RBSN: variants seen among roughly 807,000 people sequenced by gnomAD.
The protein encoded by RBSN is rabenosyn, RAB effector, also known as rabenosyn-5.
In RBSN, 34 loss-of-function variants were observed where a neutral mutation model predicts 60.5. The ratio of observed to expected loss-of-function variants is 0.56; its 90% CI spans 0.43 to 0.75. RBSN has a LOEUF of 0.75. Ranked by LOEUF, RBSN falls within the 30% of genes least tolerant of loss-of-function variation. The pLI is 0.00. For missense variants in RBSN, 845 were observed against 986.8 expected (o/e 0.86, Z 1.92); for synonymous variants, 322 against 366.9 (o/e 0.88, Z 1.40).
intron 12 of RBSN, among the ~76,000 whole-genome samples, chr3:15,076,231 C>T (rs2043050407): frequency 6.6e-6 from 1 of 152,160 alleles, no homozygotes; most frequent in Non-Finnish European, 1.5e-5. Context: ...AATAGAGTCA[C>T]TAATCAAAGT....
At position 15,082,703 on chromosome 3, in the gene RBSN, G is replaced by A. The variant is rs772597801; in HGVS notation, c.599-95C>T. 7 of 1,501,574 alleles carry A rather than the reference G, an allele frequency of 4.7e-6. No homozygotes were observed. Among genetic ancestry groups the A allele is most frequent in the Non-Finnish European group, 5.4e-6 (6 of 1,115,106 alleles). 93.0% of individuals were successfully genotyped at this position (1,501,574 alleles called of 1,614,324 possible). A position where few individuals can be genotyped will look rare whatever the true frequency, so the allele number is the denominator to read the frequency against. ...GTGTCAGTCCACAGGTGTTTGATTT[G>A]GAGAGTAATAAGATCAGGCTCCAGC... On this transcript the variant is annotated intron_variant, in intron 8 of 13. Coordinates refer to ENST00000253699, the MANE Select transcript of RBSN (RefSeq NM_022340.4). This position sits in a 1 kb window ranked among gnomAD's most constrained non-coding sequence, Gnocchi z 4.2.
intron 4 of RBSN, among the ~76,000 whole-genome samples, chr3:15,093,438 A>G (rs1319419042): frequency 6.6e-6 from 1 of 152,178 alleles, no homozygotes; most frequent in African/African-American, 2.4e-5. Flanking sequence ...TTTTTGAGAC[A>G]GTTTCACTCT....
At chr3:15,083,746 T>C (rs915997449) in intron 8 of RBSN, among the ~76,000 whole-genome samples, 2 of 152,070 alleles carry the variant, frequency 1.3e-5, no homozygotes, top group Non-Finnish European at 2.9e-5. Flanking sequence ...CATATTATGA[T>C]ATTAGTCTTT....
At position 15,071,804 on chromosome 3, in the gene RBSN, A is replaced by G. The variant is rs1380511967; in HGVS notation, c.*1978T>C. On this transcript the variant is annotated 3_prime_UTR_variant, in exon 14 of 14. Coordinates refer to ENST00000253699, the MANE Select transcript of RBSN (RefSeq NM_022340.4). Reference sequence around the variant, plus strand: ...TCAGCTTTCACACCAGTAACCAGTGAAAGTATGGCCTAGAGCTAGTTACAC... The same window carrying G: ...TCAGCTTTCACACCAGTAACCAGTGGAAGTATGGCCTAGAGCTAGTTACAC... 1.3e-5 allele frequency: 2 copies of G among 152,694 alleles called. No individual in the cohort carries two copies. The highest frequency in any genetic ancestry group is 2.4e-5 in the African/African-American group (1 of 41,460). The allele number at this position is 152,694 out of a possible 1,614,324, so 9.5% of individuals were successfully genotyped here. A position where few individuals can be genotyped will look rare whatever the true frequency, so the allele number is the denominator to read the frequency against.
chr3:15,075,643 T>C lies in RBSN; in HGVS notation c.1169A>G (p.Lys390Arg), dbSNP rs780066049. ...EQFEELKKKR[K>R]EEMERKRAVE... ...GGCCCTCTTCCTCTCCATTTCCTCC[T>C]TCCTTTTCTTTTTCAGTTCCTCAAA... The change falls in exon 13 of 14, where the codon AAG becomes AGG. Residue 390 changes from lysine to arginine, a missense_variant. Lys to Arg is a conservative substitution (Grantham distance 26, BLOSUM62 2). Coordinates refer to ENST00000253699, the MANE Select transcript of RBSN (RefSeq NM_022340.4). 4 of 1,614,178 alleles carry C rather than the reference T, an allele frequency of 2.5e-6. No homozygotes were observed. The highest frequency in any genetic ancestry group is 3.4e-6 in the Non-Finnish European group (4 of 1,180,030).
chr3:15,089,478 C>CAAAAAAAAAAAAAAAAAAAAAAAAAAAA (rs796324060), intron 5 of RBSN, among the ~76,000 whole-genome samples: 1 of 79,264 alleles, frequency 1.3e-5, no homozygotes. Context: ...AAAAAAAAAA[C>CAAAAAAAAAAAAAAAAAAAAAAAAAAAA]AAAAAAAAAA....
At chr3:15,087,388 G>A (rs1348572386) in intron 5 of RBSN, among the ~76,000 whole-genome samples, 4 of 152,064 alleles carry the variant, frequency 2.6e-5, no homozygotes, top group Non-Finnish European at 4.4e-5. Flanking sequence ...GGTGGTGCAC[G>A]CCTGTGGTCC....
At chr3:15,078,300 T>G in intron 10 of RBSN, 139 bp from the exon 11 acceptor site, 1 of 666,180 alleles carries the variant, frequency 1.5e-6, no homozygotes, top group Non-Finnish European at 2.7e-6. Flanking sequence ...TCAGATATAA[T>G]GCAGTGTCCA....
intron 4 of RBSN, among the ~76,000 whole-genome samples, chr3:15,095,273 T>C (rs1338633973): frequency 6.6e-6 from 1 of 151,678 alleles, no homozygotes; most frequent in East Asian, 1.9e-4. Context: ...ATCTGCCCAC[T>C]CTGGCCTCCC....
Position 15,081,009 on chromosome 3 carries a change from G to A in RBSN, c.841-207C>T, listed in dbSNP as rs74282147. ...AAAGTGAGAATGGAGCTTCTGATCA[G>A]ATGTTTCGTTTTGTTTTTTTTTGAG... On this transcript the variant is annotated intron_variant, in intron 9 of 13. Transcript: ENST00000253699. 1,119 of 543,822 alleles carry A rather than the reference G, an allele frequency of 2.1e-3. 33 individuals carry two copies. The East Asian group carries it at 0.028, about 14-fold the overall frequency. The allele number at this position is 543,822 out of a possible 1,614,324, so 33.7% of individuals were successfully genotyped here.
Position 15,073,853 on chromosome 3 carries a change from C to T in RBSN, c.2284G>A (p.Val762Ile). 6.2e-7 allele frequency: 1 copy of T among 1,613,986 alleles called. No homozygotes were observed. Among genetic ancestry groups the T allele is most frequent in the Non-Finnish European group, 8.5e-7 (1 of 1,180,010 alleles). The change falls in exon 14 of 14, where the codon GTA (valine) becomes ATA (isoleucine). Residue 762 changes from valine (V) to isoleucine (I), a missense_variant. By Grantham distance (29) the Val-to-Ile change is conservative. Coordinates refer to ENST00000253699, the MANE Select transcript of RBSN (RefSeq NM_022340.4). ...DAKQCGRLDEVEVLTENLREL... is the reference protein window; with the variant it reads ...DAKQCGRLDEIEVLTENLREL... ...CGCAGATTCTCTGTCAGCACCTCTA[C>T]CTCATCCAGGCGGCCGCACTGCTTG... is the stretch of plus-strand genomic sequence containing the variant.
chr3:15,071,746 A>AG lies in RBSN; in HGVS notation c.*2035dup, dbSNP rs2042931324. 1 of 152,594 alleles carries AG rather than the reference A, an allele frequency of 6.6e-6. No homozygotes were observed. Among genetic ancestry groups the AG allele is most frequent in the South Asian group, 2.1e-4 (1 of 4,828 alleles). The allele number at this position is 152,594 out of a possible 1,614,324, so 9.5% of individuals were successfully genotyped here. On this transcript the variant is annotated 3_prime_UTR_variant, in exon 14 of 14. Coordinates refer to ENST00000253699, the MANE Select transcript of RBSN (RefSeq NM_022340.4). ...GAGTTAAAACATTCCCATTATCAAG[A>AG]GGGGTCTTCACCAGAATGTAACAAA...
chr3:15,090,776 A>G (rs868777595), intron 4 of RBSN, among the ~76,000 whole-genome samples: 2 of 152,228 alleles, frequency 1.3e-5, no homozygotes, highest in African/African-American at 4.8e-5. Flanking sequence ...GGCGGCCAAC[A>G]TATGGGCTAA....
chr3:15,075,244 G>A (rs774244726), intron 13 of RBSN: 19 of 575,720 alleles, frequency 3.3e-5, no homozygotes, highest in Non-Finnish European at 5.0e-5. Flanking sequence ...GGAATCTCAC[G>A]CAGCGTTAAA....
chr3:15,075,726 G>C lies in RBSN; in HGVS notation c.1102-16C>G, dbSNP rs570983158. 48 of 1,607,674 alleles carry C rather than the reference G, an allele frequency of 3.0e-5. 1 individual carries two copies. In the South Asian group the frequency reaches 4.9e-4, roughly 17 times the overall value. ...GCAACTTTTCCTGCAGGGAGTGACA[G>C]ACAATTTTACACTTAAACCCTTTTA... On this transcript the variant is annotated splice_polypyrimidine_tract_variant and intron_variant, in intron 12 of 13. Transcript: ENST00000253699.
At chr3:15,089,396 G>A (rs1207066635) in intron 5 of RBSN, among the ~76,000 whole-genome samples, 4 of 136,326 alleles carry the variant, frequency 2.9e-5, no homozygotes, top group African/African-American at 8.2e-5. Flanking sequence ...AGCCTGGAAT[G>A]CAGTGAGCCA....
At position 15,073,852 on chromosome 3, in the gene RBSN, A is replaced by G. The variant is rs1222632716; in HGVS notation, c.2285T>C (p.Val762Ala). ...DAKQCGRLDE[V>A]EVLTENLREL... The stretch of plus-strand genomic sequence containing the variant: ...CCGCAGATTCTCTGTCAGCACCTCT[A>G]CCTCATCCAGGCGGCCGCACTGCTT... The change falls in exon 14 of 14, where the codon GTA becomes GCA. Residue 762 changes from valine (V) to alanine (A), a missense_variant. Val to Ala is a moderately conservative substitution (Grantham distance 64, BLOSUM62 0). Coordinates refer to ENST00000253699, the MANE Select transcript of RBSN (RefSeq NM_022340.4). 1.2e-6 allele frequency: 2 copies of G among 1,613,728 alleles called. No homozygotes were observed. Among genetic ancestry groups the G allele is most frequent in the African/African-American group, 2.7e-5 (2 of 74,836 alleles).
At chr3:15,094,099 C>G (rs553031020) in intron 4 of RBSN, among the ~76,000 whole-genome samples, 1 of 152,138 alleles carries the variant, frequency 6.6e-6, no homozygotes, top group Admixed American at 6.5e-5. Context: ...TCTAAATAAC[C>G]TTAAACATTT....
chr3:15,091,454 G>A, intron 4 of RBSN: 1 of 1,285,864 alleles, frequency 7.8e-7, no homozygotes, highest in Non-Finnish European at 1.0e-6. Context: ...GAATGCATGT[G>A]AGAATACTTG....
Sources: allele counts gnomAD v4.1 joint callset (sites outside exome capture counted in the v4.1 genomes callset), GRCh38; gene constraint gnomAD v4.1.1; non-coding constraint Gnocchi (gnomAD v3.1); transcripts MANE v1.5; gene names NCBI Gene and HGNC (gene_info 2026-07-23, HGNC 2026-07-21).